Variants in ADGRG6 observed in about 807,000 individuals in gnomAD.
ADGRG6 encodes the protein adhesion G protein-coupled receptor G6.
Under a neutral mutation model 142.4 loss-of-function variants are expected in ADGRG6, and 84 were observed. That is an observed-to-expected ratio of 0.59 (90% CI 0.49 to 0.71). ADGRG6 has a LOEUF of 0.71. ADGRG6 is among the 30% of genes least tolerant of loss of function. ADGRG6 has a pLI of 0.00. For missense variants in ADGRG6, 1,367 were observed against 1,466.6 expected (o/e 0.93, Z 1.11); for synonymous variants, 521 against 520.5 (o/e 1.00, Z -0.01).
chr6:142,410,128 C>T (rs997425151), intron 17 of ADGRG6, among the ~76,000 whole-genome samples: 7 of 152,046 alleles, frequency 4.6e-5, no homozygotes, highest in African/African-American at 1.7e-4. Flanking sequence ...AAGAAATAGG[C>T]AGACTTCACT....
intron 2 of ADGRG6, among the ~76,000 whole-genome samples, chr6:142,359,952 A>T (rs1562336516): frequency 6.6e-6 from 1 of 152,372 alleles, no homozygotes; most frequent in East Asian, 1.9e-4. Flanking sequence ...AAGATGAGTT[A>T]GTTGCAGGTG....
intron 1 of ADGRG6, chr6:142,302,666 C>G: frequency 2.9e-6 from 1 of 346,878 alleles, no homozygotes; most frequent in Non-Finnish European, 5.2e-6. Flanking sequence ...GAGTAACAGG[C>G]ACCGCTCCTC....
chr6:142,341,429 T>C (rs1402302119), intron 2 of ADGRG6, among the ~76,000 whole-genome samples: 1 of 120,154 alleles, frequency 8.3e-6, no homozygotes, highest in African/African-American at 3.2e-5. Flanking sequence ...AATTATATAA[T>C]ATATATAATT....
chr6:142,326,356 C>T (rs1474817090), intron 2 of ADGRG6, among the ~76,000 whole-genome samples: 1 of 151,760 alleles, frequency 6.6e-6, no homozygotes, highest in Non-Finnish European at 1.5e-5. Context: ...GTTGTGTTTC[C>T]CTTTCCTTTC....
At chr6:142,407,086 G>A (rs759718218) in intron 15 of ADGRG6, among the ~76,000 whole-genome samples, 19 of 149,886 alleles carry the variant, frequency 1.3e-4, no homozygotes, top group Non-Finnish European at 2.5e-4. Flanking sequence ...TGTAATCCTA[G>A]CACTTTGGGA....
At chr6:142,337,962 TG>T (rs1779398774) in intron 2 of ADGRG6, among the ~76,000 whole-genome samples, 2 of 151,022 alleles carry the variant, frequency 1.3e-5, no homozygotes, top group South Asian at 4.2e-4. Context: ...TATATACTTT[TG>T]TTGAAAATAA....
intron 2 of ADGRG6, among the ~76,000 whole-genome samples, chr6:142,340,354 C>T (rs1779554731): frequency 6.6e-6 from 1 of 151,872 alleles, no homozygotes; most frequent in African/African-American, 2.4e-5. Flanking sequence ...CCTTATTATT[C>T]AAGACTTATT....
chr6:142,382,029 CCA>C lies in ADGRG6; in HGVS notation c.1138+14_1138+15del. The C allele has an allele frequency of 6.5e-7, 1 of 1,546,176 alleles. No individual in the cohort carries two copies. On this transcript the variant is annotated intron_variant, in intron 5 of 24. Transcript: ENST00000367609. Reference sequence around the variant, plus strand: ...GGGACCCTCTGTCAAGGTAGGGAGCCCACACCGTGCTCTGGAATCTCTTTGCT... The same window carrying C: ...GGGACCCTCTGTCAAGGTAGGGAGCCCACCGTGCTCTGGAATCTCTTTGCT...
chr6:142,432,310 T>A (rs1435172415), intron 22 of ADGRG6, among the ~76,000 whole-genome samples: 1 of 152,218 alleles, frequency 6.6e-6, no homozygotes, highest in Non-Finnish European at 1.5e-5. Flanking sequence ...ATTGCCAGAC[T>A]AACTTAAATT....
At chr6:142,396,206 T>C in intron 9 of ADGRG6, among the ~76,000 whole-genome samples, 1 of 152,242 alleles carries the variant, frequency 6.6e-6, no homozygotes, top group Non-Finnish European at 1.5e-5. Context: ...GTGGCGAAGC[T>C]TGTCTTTAAA....
intron 2 of ADGRG6, among the ~76,000 whole-genome samples, chr6:142,364,964 A>G (rs952226176): frequency 2.0e-5 from 3 of 152,230 alleles, no homozygotes; most frequent in Admixed American, 1.3e-4. Context: ...AGTCATGCAC[A>G]TAACTTGGGT....
intron 14 of ADGRG6, chr6:142,405,252 G>T: frequency 2.3e-6 from 1 of 440,448 alleles, no homozygotes; most frequent in East Asian, 7.0e-5. Context: ...TGCTATCTGA[G>T]AGTGTTCATA....
At chr6:142,321,956 T>C (rs1290953476) in intron 2 of ADGRG6, among the ~76,000 whole-genome samples, 1 of 152,144 alleles carries the variant, frequency 6.6e-6, no homozygotes, top group Non-Finnish European at 1.5e-5. Context: ...ATATCGAGAA[T>C]TACGTGCTAG....
intron 2 of ADGRG6, among the ~76,000 whole-genome samples, chr6:142,329,674 A>C (rs1275330813): frequency 6.6e-6 from 1 of 152,184 alleles, no homozygotes; most frequent in Non-Finnish European, 1.5e-5. Context: ...GATCAACACA[A>C]AGGGTAAATG....
chr6:142,334,573 C>A (rs1196687172), intron 2 of ADGRG6, among the ~76,000 whole-genome samples: 2 of 152,166 alleles, frequency 1.3e-5, no homozygotes, highest in South Asian at 2.1e-4. Flanking sequence ...GATGTGCCAA[C>A]AGTGGAATGG....
At position 142,364,126 on chromosome 6, in the gene ADGRG6, C is replaced by T. The variant is rs1780841754; in HGVS notation, c.104-3443C>T. On this transcript the variant is annotated intron_variant, in intron 2 of 24. Coordinates refer to ENST00000367609, the MANE Select transcript of ADGRG6 (RefSeq NM_198569.3). ...TGTGAGTTATCCAATCTATATTAGC[C>T]TCATTTGTTTCCTCTAAAGATAGAG... Among the ~76,000 whole-genome samples, 3 of 151,692 alleles carry T rather than the reference C, an allele frequency of 2.0e-5. 1 individual carries two copies. The South Asian group carries it at 6.2e-4, about 32-fold the overall frequency.
chr6:142,438,377 A>G lies in ADGRG6; in HGVS notation c.3574+13A>G. 1 of 1,566,852 alleles carries G rather than the reference A, an allele frequency of 6.4e-7. No homozygotes were observed. Among genetic ancestry groups the G allele is most frequent in the African/African-American group, 1.4e-5 (1 of 72,628 alleles). On this transcript the variant is annotated intron_variant, in intron 24 of 24. Coordinates refer to ENST00000367609, the MANE Select transcript of ADGRG6 (RefSeq NM_198569.3). Reference sequence around the variant, plus strand: ...AATAGCCACACAGGTGAGTCTAAAGATGTCCTCAAGTTTAGTTCTCATCAC... The same window carrying G: ...AATAGCCACACAGGTGAGTCTAAAGGTGTCCTCAAGTTTAGTTCTCATCAC...
rs1329636063 is a variant in ADGRG6, at chr6:142,370,507, G to A, written c.783G>A (p.Leu261=). Reference sequence around the variant, plus strand: ...TCTGCCTTGTTTGGAATAATTCTTTGGGCTCTATTGGTGTAAATTTCAAAA... The same window carrying A: ...TCTGCCTTGTTTGGAATAATTCTTTAGGCTCTATTGGTGTAAATTTCAAAA... ...EQLCLVWNNS[L]GSIGVNFKRN... is the part of the protein sequence containing the mutation. Residue 261 remains leucine, a synonymous_variant, in exon 4 of 25, where the codon TTG becomes TTA. Transcript: ENST00000367609. The A allele has an allele frequency of 6.2e-7, 1 of 1,613,358 alleles. No individual in the cohort carries two copies. The highest frequency in any genetic ancestry group is 1.3e-5 in the African/African-American group (1 of 74,912).
At chr6:142,405,118 C>A (rs1385836589) in intron 14 of ADGRG6, among the ~76,000 whole-genome samples, 1 of 152,134 alleles carries the variant, frequency 6.6e-6, no homozygotes, top group Non-Finnish European at 1.5e-5. Flanking sequence ...CTCCATTAGA[C>A]TAGGGGCTCT....
Sources: allele counts gnomAD v4.1 joint callset (sites outside exome capture counted in the v4.1 genomes callset), GRCh38; gene constraint gnomAD v4.1.1; transcripts MANE v1.5; gene names NCBI Gene and HGNC (gene_info 2026-07-23, HGNC 2026-07-21).